KDM7A: variants seen among roughly 807,000 people sequenced by gnomAD.
KDM7A encodes lysine demethylase 7A.
In KDM7A, 28 loss-of-function variants were observed where a neutral mutation model predicts 114.8. The observed-to-expected ratio is 0.24, with a 90% CI of 0.18 to 0.33. KDM7A has a LOEUF of 0.33. Ranked by LOEUF, KDM7A falls within the 10% of genes least tolerant of loss-of-function variation. The pLI is 1.00. For synonymous variants in KDM7A, 423 were observed against 397.8 expected, an observed-to-expected ratio of 1.06 and a Z score of -0.75; for missense variants, 942 against 1,142.5, an observed-to-expected ratio of 0.82 and a Z score of 2.53.
intron 4 of KDM7A, among the ~76,000 whole-genome samples, chr7:140,128,798 C>T (rs1818745209): frequency 6.6e-6 from 1 of 152,164 alleles, no homozygotes; most frequent in Admixed American, 6.5e-5. Context: ...CTCAAATATT[C>T]TCTATCTACT....
chr7:140,143,315 A>G (rs562358475), intron 1 of KDM7A, among the ~76,000 whole-genome samples: 2 of 152,250 alleles, frequency 1.3e-5, no homozygotes, highest in East Asian at 3.9e-4. Context: ...GAAGAGATGG[A>G]TCTTGAAAGG....
intron 7 of KDM7A, among the ~76,000 whole-genome samples, chr7:140,122,878 A>T (rs1029274128): frequency 1.1e-4 from 16 of 152,260 alleles, no homozygotes; most frequent in Admixed American, 8.5e-4. Context: ...TATCAAAATT[A>T]AAAACTTTTG....
chr7:140,176,927 G>C lies in KDM7A; in HGVS notation c.11C>G (p.Ala4Gly). Residue 4 changes from alanine (A) to glycine (G), a missense_variant, in exon 1 of 20, where the codon GCG (alanine) becomes GGG (glycine). Physicochemically the swap from Ala to Gly is moderately conservative, Grantham distance 60. Around this residue, in one of 4 missense-constraint regions of KDM7A, gnomAD observed 112 missense variants for 96.2 expected, o/e 1.16. Transcript: ENST00000397560. The surrounding 1 kb of genome is among the most constrained non-coding windows in gnomAD (Gnocchi z 4.4). The stretch of plus-strand genomic sequence containing the variant: ...TGCTCCCGCGGCCACCGCCGCCGCC[G>C]CTCCGGCCATCTTTAAAAAACACAC... MAG[A>G]AAAVAAGAAA... 1 of 1,160,038 alleles carries C rather than the reference G, an allele frequency of 8.6e-7. No individual in the cohort carries two copies. The highest frequency in any genetic ancestry group is 1.1e-6 in the Non-Finnish European group (1 of 936,686). The allele number at this position is 1,160,038 out of a possible 1,614,324, so 71.9% of individuals were successfully genotyped here.
chr7:140,108,536 T>C (rs1013876447), intron 11 of KDM7A, among the ~76,000 whole-genome samples: 2 of 152,232 alleles, frequency 1.3e-5, no homozygotes, highest in African/African-American at 4.8e-5. Context: ...TGGAATTTGC[T>C]GGAGGTCCAC....
intron 7 of KDM7A, among the ~76,000 whole-genome samples, chr7:140,123,266 C>T (rs563794212): frequency 4.6e-5 from 7 of 152,266 alleles, no homozygotes; most frequent in Admixed American, 1.3e-4. Flanking sequence ...ATTTGGAGAA[C>T]GGGTCAGCAA....
rs190456372 is a variant in KDM7A, at chr7:140,156,015, C to G, written c.195-16825G>C. ...CTAGTTTTCTTATATGCCAATTAAT[C>G]TGTGAAATGTTAACACTTCGTTGCA... On this transcript the variant is annotated intron_variant, in intron 1 of 19. Transcript: ENST00000397560. Among the ~76,000 whole-genome samples the G allele has an allele frequency of 2.7e-3, 410 of 152,334 alleles. 1 individual carries two copies. Among genetic ancestry groups the G allele is most frequent in the Non-Finnish European group, 4.6e-3 (311 of 68,034 alleles).
At chr7:140,175,878 C>CTGCA (rs1794699320) in intron 1 of KDM7A, among the ~76,000 whole-genome samples, 1 of 152,110 alleles carries the variant, frequency 6.6e-6, no homozygotes, top group South Asian at 2.1e-4. Flanking sequence ...GCGATGGCAA[C>CTGCA]TGCACTCTTT....
intron 1 of KDM7A, among the ~76,000 whole-genome samples, chr7:140,155,974 G>A (rs184759988): frequency 2.4e-4 from 36 of 152,308 alleles, no homozygotes; most frequent in Middle Eastern, 6.8e-3. Context: ...ATTCCCCAAC[G>A]ATGGTAAAGT....
chr7:140,129,563 T>G lies in KDM7A; in HGVS notation c.489A>C (p.Pro163=). Residue 163 remains proline, a synonymous_variant, in exon 4 of 20, where the codon CCA becomes CCC. Transcript: ENST00000397560. Reference sequence around the variant, plus strand: ...GCCTGAGTCCTAGATCATCTAATTTTGGGACCATAATAGGGACATCAAATC... The same window carrying G: ...GCCTGAGTCCTAGATCATCTAATTTGGGGACCATAATAGGGACATCAAATC... ...KHGFDVPIMV[P]KLDDLGLRLP... 2 of 1,613,048 alleles carry G rather than the reference T, an allele frequency of 1.2e-6. No individual in the cohort carries two copies. Among genetic ancestry groups the G allele is most frequent in the Non-Finnish European group, 1.7e-6 (2 of 1,179,038 alleles).
chr7:140,161,643 GTTCAAGCAATT>G (rs1794520670), intron 1 of KDM7A, among the ~76,000 whole-genome samples: 4 of 151,948 alleles, frequency 2.6e-5, no homozygotes, highest in Admixed American at 2.6e-4. Flanking sequence ...TGCCTCCCAG[GTTCAAGCAATT>G]CTGCCTCAGC....
chr7:140,165,165 A>G (rs1383950784), intron 1 of KDM7A, among the ~76,000 whole-genome samples: 1 of 152,198 alleles, frequency 6.6e-6, no homozygotes, highest in Non-Finnish European at 1.5e-5. Context: ...CTTTGGGGAA[A>G]TGCCTGGATC....
intron 11 of KDM7A, 144 bp from the exon 12 acceptor site, chr7:140,102,304 C>T: frequency 1.6e-6 from 1 of 639,736 alleles, no homozygotes; most frequent in Non-Finnish European, 2.7e-6. Flanking sequence ...TCCTAAGCTT[C>T]AAACAGCTTT....
chr7:140,100,550 TAATA>T (rs1818183067), intron 12 of KDM7A, among the ~76,000 whole-genome samples: 2 of 150,486 alleles, frequency 1.3e-5, no homozygotes, highest in Admixed American at 1.3e-4. Context: ...TTCCCCTTAA[TAATA>T]AATAGAACCT....
chr7:140,118,972 G>A, intron 9 of KDM7A, 141 bp downstream of exon 9: 4 of 530,428 alleles, frequency 7.5e-6, no homozygotes, highest in Non-Finnish European at 1.4e-5. Flanking sequence ...GCTGGATGGG[G>A]GAAAACCACT....
intron 1 of KDM7A, among the ~76,000 whole-genome samples, chr7:140,164,519 T>C (rs1158053273): frequency 6.6e-6 from 1 of 152,194 alleles, no homozygotes; most frequent in Non-Finnish European, 1.5e-5. Flanking sequence ...GAACCACTGC[T>C]ATGTATTAAG....
At chr7:140,115,356 G>C (rs1818509111) in intron 9 of KDM7A, among the ~76,000 whole-genome samples, 1 of 152,256 alleles carries the variant, frequency 6.6e-6, no homozygotes, top group African/African-American at 2.4e-5. Flanking sequence ...AATAGAAAAG[G>C]GGAAAATGTG....
At chr7:140,131,486 T>C (rs2116809527) in intron 3 of KDM7A, among the ~76,000 whole-genome samples, 1 of 152,210 alleles carries the variant, frequency 6.6e-6, no homozygotes. Context: ...GTTCTCTGAA[T>C]TACTGGGCTC....
chr7:140,173,278 C>A lies in KDM7A; in HGVS notation c.194+3466G>T, dbSNP rs149230084. Among the ~76,000 whole-genome samples, 393 of 152,186 alleles carry A rather than the reference C, an allele frequency of 2.6e-3. 2 individuals carry two copies. The highest frequency in any genetic ancestry group is 8.9e-3 in the African/African-American group (370 of 41,500). ...CCCTAGAGTTCAATTATACACTGTA[C>A]CCTGCCTGGCAAGTGTTCTTTTCTC... is the stretch of plus-strand genomic sequence containing the variant. On this transcript the variant is annotated intron_variant, in intron 1 of 19. Coordinates refer to ENST00000397560, the MANE Select transcript of KDM7A (RefSeq NM_030647.2).
chr7:140,127,070 G>C (rs1049410573), intron 5 of KDM7A, among the ~76,000 whole-genome samples: 1 of 152,162 alleles, frequency 6.6e-6, no homozygotes, highest in Non-Finnish European at 1.5e-5. Flanking sequence ...GAGAGATCTC[G>C]TGCCTCAGCC....
Sources: allele counts gnomAD v4.1 joint callset (sites outside exome capture counted in the v4.1 genomes callset), GRCh38; gene constraint gnomAD v4.1.1; regional missense constraint gnomAD v4.1.1; non-coding constraint Gnocchi (gnomAD v3.1); transcripts MANE v1.5; gene names NCBI Gene and HGNC (gene_info 2026-07-23, HGNC 2026-07-21).